INPP4A: variants seen among roughly 807,000 people sequenced by gnomAD.
INPP4A encodes inositol polyphosphate-4-phosphatase, type I, 107kD.
A neutral mutation model predicts 119.8 loss-of-function variants in INPP4A; 33 were observed. The ratio of observed to expected loss-of-function variants is 0.28; its 90% confidence interval spans 0.21 to 0.37. The LOEUF is 0.37. Among genes scored for constraint, INPP4A ranks in the 10% least tolerant of loss-of-function variants. INPP4A has a pLI of 1.00. For missense variants in INPP4A, 956 were observed against 1,289.9 expected (o/e 0.74, Z 3.97); for synonymous variants, 496 against 500.7 (o/e 0.99, Z 0.12).
At chr2:98,515,419 A>C (rs575540900) in intron 1 of INPP4A, among the ~76,000 whole-genome samples, 1 of 139,458 alleles carries the variant, frequency 7.2e-6, no homozygotes, top group Admixed American at 7.1e-5. Context: ...AGTGACAGCA[A>C]TAGGCTGTGG....
intron 1 of INPP4A, among the ~76,000 whole-genome samples, chr2:98,480,775 G>A (rs1056203919): frequency 7.2e-5 from 11 of 152,204 alleles, no homozygotes; most frequent in South Asian, 2.1e-4. Flanking sequence ...GCCTCAGACC[G>A]GAGAGCACTG....
rs547678099 is a variant in INPP4A, at chr2:98,560,730, C to T, written c.1855+1235C>T. The stretch of plus-strand genomic sequence containing the variant: ...AGTGCCTTCGGACTGAGCTGGCTGT[C>T]GCCTGAGCCTCAGTGGTGCCCAAGC... On this transcript the variant is annotated intron_variant, in intron 17 of 24. Transcript: ENST00000409851. Among the ~76,000 whole-genome samples the T allele has an allele frequency of 5.3e-5, 8 of 152,346 alleles. No individual in the cohort carries two copies. In the South Asian group the frequency reaches 1.2e-3, roughly 24 times the overall value.
At chr2:98,532,136 A>T (rs996469593) in intron 4 of INPP4A, among the ~76,000 whole-genome samples, 2 of 152,192 alleles carry the variant, frequency 1.3e-5, no homozygotes, top group African/African-American at 4.8e-5. Flanking sequence ...CATGACAAAG[A>T]TATCTTCCCA....
intron 10 of INPP4A, among the ~76,000 whole-genome samples, chr2:98,541,237 G>A (rs1198360676): frequency 6.6e-6 from 1 of 151,744 alleles, no homozygotes; most frequent in Non-Finnish European, 1.5e-5. Context: ...AGAGGCAGGA[G>A]AATGGCGTGA....
intron 15 of INPP4A, 128 bp from the exon 16 acceptor site, chr2:98,555,425 A>C (rs955031556): frequency 8.0e-6 from 8 of 994,064 alleles, no homozygotes; most frequent in Admixed American, 5.0e-5. Context: ...TTATATTTCT[A>C]AACTTTGAGG....
At chr2:98,531,277 G>T (rs1240860186) in intron 4 of INPP4A, among the ~76,000 whole-genome samples, 1 of 151,884 alleles carries the variant, frequency 6.6e-6, no homozygotes, top group Non-Finnish European at 1.5e-5. Context: ...CATTTTCAGA[G>T]AACTAGAAAC....
intron 24 of INPP4A, among the ~76,000 whole-genome samples, chr2:98,587,180 G>A (rs1158647731): frequency 6.6e-6 from 1 of 152,220 alleles, no homozygotes; most frequent in Non-Finnish European, 1.5e-5. Flanking sequence ...CAAAAGACAT[G>A]AGCTACATGA....
intron 19 of INPP4A, among the ~76,000 whole-genome samples, chr2:98,565,167 C>G (rs1696202634): frequency 6.6e-6 from 1 of 152,218 alleles, no homozygotes; most frequent in Non-Finnish European, 1.5e-5. Flanking sequence ...AGGCTCTCTT[C>G]TTCCTACCCT....
At chr2:98,491,111 G>T (rs139240490) in intron 1 of INPP4A, among the ~76,000 whole-genome samples, 2 of 152,332 alleles carry the variant, frequency 1.3e-5, no homozygotes, top group African/African-American at 4.8e-5. Context: ...TTGCAGCAGA[G>T]ACCCAGTTAA....
intron 1 of INPP4A, among the ~76,000 whole-genome samples, chr2:98,514,427 G>C (rs978018613): frequency 6.6e-6 from 1 of 152,174 alleles, no homozygotes; most frequent in African/African-American, 2.4e-5. Context: ...ATGCTAATGA[G>C]ATGACTGGTG....
At chr2:98,489,328 G>A (rs185991207) in intron 1 of INPP4A, among the ~76,000 whole-genome samples, 1 of 152,188 alleles carries the variant, frequency 6.6e-6, no homozygotes, top group Admixed American at 6.5e-5. Context: ...AGTGTCATTA[G>A]GGCCAGGCCA....
chr2:98,520,938 C>T, intron 4 of INPP4A: 1 of 492,220 alleles, frequency 2.0e-6, no homozygotes, highest in Admixed American at 4.0e-5. Context: ...CCACAGGCTC[C>T]TGTCTCCTCA....
At chr2:98,485,240 T>A (rs1428557746) in intron 1 of INPP4A, among the ~76,000 whole-genome samples, 1 of 152,202 alleles carries the variant, frequency 6.6e-6, no homozygotes, top group Non-Finnish European at 1.5e-5. Flanking sequence ...TAAGAAACAT[T>A]TTAGACTGAA....
In INPP4A at chr2:98,589,948, T is replaced by G. The variant is rs1286391951; in HGVS notation, c.*2340T>G. On this transcript the variant is annotated 3_prime_UTR_variant, in exon 25 of 25. Transcript: ENST00000409851. ...GTTTCCTTTAAAGATGTAAAAATAT[T>G]GTATAATACAGTTTTGTCCCTACAC... is the stretch of plus-strand genomic sequence containing the variant. 5.1e-6 allele frequency: 1 copy of G among 195,338 alleles called. No individual in the cohort carries two copies. Among genetic ancestry groups the G allele is most frequent in the Non-Finnish European group, 1.1e-5 (1 of 94,052 alleles). 12.1% of individuals were successfully genotyped at this position (195,338 alleles called of 1,614,324 possible). A position where few individuals can be genotyped will look rare whatever the true frequency, so the allele number is the denominator to read the frequency against.
At chr2:98,579,151 T>C (rs1698901857) in intron 24 of INPP4A, among the ~76,000 whole-genome samples, 1 of 152,226 alleles carries the variant, frequency 6.6e-6, no homozygotes, top group Non-Finnish European at 1.5e-5. Context: ...CTCCAGAGTT[T>C]AAGCAATTCT....
In INPP4A at chr2:98,555,615, G is replaced by A. The variant is rs200134996; in HGVS notation, c.1629G>A (p.Leu543=). The change falls in exon 16 of 25, where the codon CTG becomes CTA. Residue 543 remains leucine, a synonymous_variant. Coordinates refer to ENST00000409851, the MANE Select transcript of INPP4A (RefSeq NM_001134225.2). ...GCATCATTCAGCGTGTGGACAAGCT[G>A]CTGCAGAAGGAGCGGCTGCATGGCG... is the stretch of plus-strand genomic sequence containing the variant. ...LECIIQRVDK[L]LQKERLHGEG... 156 of 1,608,146 alleles carry A rather than the reference G, an allele frequency of 9.7e-5. 1 individual carries two copies. In the South Asian group the frequency reaches 1.5e-3, roughly 16 times the overall value.
At chr2:98,552,755 A>G (rs771825823) in intron 13 of INPP4A, 31 bp from the exon 14 acceptor site, 1 of 1,547,270 alleles carries the variant, frequency 6.5e-7, no homozygotes, top group South Asian at 1.1e-5. Context: ...ATTCTGGAGA[A>G]TCCCTTAGAA....
chr2:98,500,339 A>G (rs1438637803), intron 1 of INPP4A, among the ~76,000 whole-genome samples: 3 of 151,706 alleles, frequency 2.0e-5, no homozygotes, highest in Non-Finnish European at 2.9e-5. Flanking sequence ...TTGAGGGGGG[A>G]AAATAGGGAG....
intron 1 of INPP4A, among the ~76,000 whole-genome samples, chr2:98,455,499 G>A (rs1008694056): frequency 6.6e-6 from 1 of 152,166 alleles, no homozygotes; most frequent in African/African-American, 2.4e-5. Flanking sequence ...AGTCTCATTT[G>A]TGGTTTGTCC....
Sources: allele counts gnomAD v4.1 joint callset (sites outside exome capture counted in the v4.1 genomes callset), GRCh38; gene constraint gnomAD v4.1.1; transcripts MANE v1.5; gene names NCBI Gene and HGNC (gene_info 2026-07-23, HGNC 2026-07-21).